COBL: variants seen among roughly 807,000 people sequenced by gnomAD.
COBL encodes protein cordon-bleu.
A neutral mutation model predicts 98.8 loss-of-function variants in COBL; 51 were observed. The ratio of observed to expected loss-of-function variants is 0.52; its 90% CI spans 0.41 to 0.65. The LOEUF is 0.65. COBL is among the 30% of genes least tolerant of loss of function. The probability of loss-of-function intolerance (pLI) is 0.00; values close to 1 mark genes in which losing one functional copy is unlikely to be tolerated. For synonymous variants in COBL, 634 were observed against 651.7 expected, an observed-to-expected ratio of 0.97 and a Z score of 0.41; for missense variants, 1,617 against 1,617.5, an observed-to-expected ratio of 1.00 and a Z score of 0.01.
chr7:51,212,389 C>A lies in COBL; in HGVS notation c.245+7352G>T, dbSNP rs147000864. ...CTGCCCCTCAGAAAGTAGGCAACAG[C>A]AAAAGACTGCTTGGGGAACACACAA... is the stretch of plus-strand genomic sequence containing the variant. On this transcript the variant is annotated intron_variant, in intron 2 of 12. Transcript: ENST00000265136. Among the ~76,000 whole-genome samples the A allele has an allele frequency of 5.7e-3, 867 of 152,274 alleles. 1 individual carries two copies. Among genetic ancestry groups the A allele is most frequent in the Non-Finnish European group, 8.5e-3 (578 of 68,024 alleles).
intron 1 of COBL, among the ~76,000 whole-genome samples, chr7:51,283,632 GCAC>G (rs1428566867): frequency 1.6e-4 from 24 of 151,876 alleles, no homozygotes; most frequent in Admixed American, 1.6e-3. Flanking sequence ...TTACATGTGC[GCAC>G]CACCACGCCC....
At chr7:51,090,549 G>A (rs1423708534) in intron 6 of COBL, among the ~76,000 whole-genome samples, 1 of 152,204 alleles carries the variant, frequency 6.6e-6, no homozygotes, top group Non-Finnish European at 1.5e-5. Context: ...CTGACTGGGA[G>A]CACTGATGGG....
chr7:51,264,815 T>C (rs374839545), intron 1 of COBL, among the ~76,000 whole-genome samples: 6 of 152,058 alleles, frequency 3.9e-5, no homozygotes, highest in Non-Finnish European at 1.5e-5. Flanking sequence ...AAATATACCA[T>C]GTTGGAGTGT....
chr7:51,152,268 G>C (rs184208692), intron 5 of COBL, among the ~76,000 whole-genome samples: 1 of 152,344 alleles, frequency 6.6e-6, no homozygotes, highest in East Asian at 1.9e-4. Context: ...TTTAGGAAGA[G>C]GGGACCATTT....
chr7:51,107,293 C>T (rs1359578001), intron 6 of COBL, among the ~76,000 whole-genome samples: 1 of 151,922 alleles, frequency 6.6e-6, no homozygotes, highest in East Asian at 1.9e-4. Flanking sequence ...CGGGGTTTCA[C>T]CATATTGGTC....
At position 51,190,940 on chromosome 7, in the gene COBL, T is replaced by C. The variant is rs1790053150; in HGVS notation, c.595A>G (p.Arg199Gly). The C allele has an allele frequency of 1.2e-6, 2 of 1,614,056 alleles. No homozygotes were observed. Among genetic ancestry groups the C allele is most frequent in the South Asian group, 2.2e-5 (2 of 91,060 alleles). The change falls in exon 4 of 13, where the codon AGG becomes GGG. Residue 199 changes from arginine (R) to glycine (G), a missense_variant. This residue lies in a region of COBL where 75 missense variants were observed against 120.5 expected (regional missense o/e 0.62). Coordinates refer to ENST00000265136, the MANE Select transcript of COBL (RefSeq NM_015198.5). ...AGCTCCTCTCCGGCAATGTTGTCCC[T>C]GAGGAGAACCACGTGCTCTGGGCTG... ...EVSPEHVVLLRDNIAGEELEL... is the reference protein window; with the variant it reads ...EVSPEHVVLLGDNIAGEELEL...
intron 1 of COBL, among the ~76,000 whole-genome samples, chr7:51,281,285 C>T (rs1017566139): frequency 6.6e-6 from 1 of 152,106 alleles, no homozygotes; most frequent in Non-Finnish European, 1.5e-5. Flanking sequence ...AATGAACAGG[C>T]ATAGGGACCT....
chr7:51,219,098 G>A (rs990706472), intron 2 of COBL, among the ~76,000 whole-genome samples: 6 of 152,156 alleles, frequency 3.9e-5, no homozygotes, highest in African/African-American at 1.4e-4. Flanking sequence ...TATGATGAAG[G>A]AGACTTTGCC....
chr7:51,114,341 A>C (rs1797094557), intron 6 of COBL, among the ~76,000 whole-genome samples: 2 of 150,838 alleles, frequency 1.3e-5, no homozygotes, highest in African/African-American at 4.9e-5. Flanking sequence ...ACACGGTCAA[A>C]TTCTGAGGGC....
At chr7:51,290,789 T>C (rs1337464807) in intron 1 of COBL, among the ~76,000 whole-genome samples, 1 of 152,082 alleles carries the variant, frequency 6.6e-6, no homozygotes, top group African/African-American at 2.4e-5. Context: ...TCTGGCACCA[T>C]GCATACTCCC....
rs746295508 is a variant in COBL, at chr7:51,030,932, G to C, written c.1407-23C>G. The C allele has an allele frequency of 1.4e-5, 20 of 1,449,772 alleles. 1 individual carries two copies. In the South Asian group the frequency reaches 2.2e-4, roughly 16 times the overall value. 89.8% of individuals were successfully genotyped at this position (1,449,772 alleles called of 1,614,324 possible). A position where few individuals can be genotyped will look rare whatever the true frequency, so the allele number is the denominator to read the frequency against. ...GTTCTAGGGAAGACCAAAGAGAAAG[G>C]AGCACTCATTTCTCTTACTATTGAT... On this transcript the variant is annotated intron_variant, in intron 8 of 12. Transcript: ENST00000265136.
At position 51,017,488 on chromosome 7, in the gene COBL, C is replaced by T; in HGVS notation, c.*63G>A. 1 of 1,560,034 alleles carries T rather than the reference C, an allele frequency of 6.4e-7. No individual in the cohort carries two copies. Among genetic ancestry groups the T allele is most frequent in the Non-Finnish European group, 8.8e-7 (1 of 1,130,930 alleles). On this transcript the variant is annotated 3_prime_UTR_variant, in exon 13 of 13. Transcript: ENST00000265136. ...CTTGATGTTCCTGGCTATGCAGACT[C>T]CTTGAGTGACGCCTGTGGGCATATT...
intron 6 of COBL, among the ~76,000 whole-genome samples, chr7:51,097,531 A>G (rs1322846477): frequency 6.6e-6 from 1 of 152,224 alleles, no homozygotes; most frequent in East Asian, 1.9e-4. Flanking sequence ...CATATACATG[A>G]TTTTATATGT....
At chr7:51,140,682 T>C (rs973457523) in intron 5 of COBL, among the ~76,000 whole-genome samples, 1 of 152,200 alleles carries the variant, frequency 6.6e-6, no homozygotes, top group African/African-American at 2.4e-5. Context: ...CAAGGAGCTA[T>C]GCAGATCTAG....
intron 1 of COBL, among the ~76,000 whole-genome samples, chr7:51,257,198 G>C (rs1797270161): frequency 6.6e-6 from 1 of 152,128 alleles, no homozygotes; most frequent in Non-Finnish European, 1.5e-5. Flanking sequence ...CCTCATGCTG[G>C]AGACATGGTG....
At chr7:51,247,193 T>G (rs1434223748) in intron 1 of COBL, among the ~76,000 whole-genome samples, 1 of 152,208 alleles carries the variant, frequency 6.6e-6, no homozygotes, top group Non-Finnish European at 1.5e-5. Flanking sequence ...AGGCCATCCA[T>G]GGAGAAGACT....
In COBL at chr7:51,246,253, C is replaced by G. The variant is rs189249342; in HGVS notation, c.42-26309G>C. On this transcript the variant is annotated intron_variant, in intron 1 of 12. Coordinates refer to ENST00000265136, the MANE Select transcript of COBL (RefSeq NM_015198.5). ...TGGCATTTTCTTGTATAATTTGGAC[C>G]AGGGAGACAAATGGCCTGCAGCAAG... 1.1e-3 allele frequency among the ~76,000 whole-genome samples: 171 copies of G among 152,218 alleles called. 1 individual carries two copies. The highest frequency in any genetic ancestry group is 0.01 in the Middle Eastern group (3 of 294).
intron 12 of COBL, chr7:51,020,986 C>T (rs1231393743): frequency 6.6e-6 from 1 of 152,214 alleles, no homozygotes; most frequent in African/African-American, 2.4e-5. Context: ...GGTGACCAAT[C>T]ACCCAATTTG....
chr7:51,074,189 T>C (rs977910700), intron 7 of COBL, among the ~76,000 whole-genome samples: 2 of 126,692 alleles, frequency 1.6e-5, no homozygotes, highest in African/African-American at 2.9e-5. Flanking sequence ...AACAAGGTAA[T>C]GATTTTTTTT....
Sources: allele counts gnomAD v4.1 joint callset (sites outside exome capture counted in the v4.1 genomes callset), GRCh38; gene constraint gnomAD v4.1.1; regional missense constraint gnomAD v4.1.1; transcripts MANE v1.5; gene names NCBI Gene and HGNC (gene_info 2026-07-23, HGNC 2026-07-21).